The following PDZD2 variants were observed in gnomAD, a reference collection of about 807,000 sequenced individuals.
The protein encoded by PDZD2 is PDZ domain-containing protein 2.
PDZD2 carries 90 observed loss-of-function variants against 220.7 expected under a neutral mutation model. The ratio of observed to expected loss-of-function variants is 0.41; its 90% CI spans 0.34 to 0.49. PDZD2 has a LOEUF of 0.49. Among genes scored for constraint, PDZD2 ranks in the 20% least tolerant of loss-of-function variants. PDZD2 has a pLI of 0.28. For synonymous variants in PDZD2, 1,375 were observed against 1,450.5 expected (o/e 0.95, Z 1.18); for missense variants, 3,174 against 3,608.5 (o/e 0.88, Z 3.08).
At chr5:32,015,024 C>T (rs1015359976) in intron 6 of PDZD2, among the ~76,000 whole-genome samples, 5 of 148,780 alleles carry the variant, frequency 3.4e-5, no homozygotes, top group African/African-American at 7.4e-5. Context: ...TCACTGCAAC[C>T]TCCGCCTCCT....
At chr5:32,075,728 C>T (rs1741224117) in intron 18 of PDZD2, among the ~76,000 whole-genome samples, 1 of 152,142 alleles carries the variant, frequency 6.6e-6, no homozygotes, top group Admixed American at 6.5e-5. Context: ...CTCTCTCTCT[C>T]GCTGAACAAA....
chr5:32,014,812 T>C (rs1041489904), intron 6 of PDZD2, among the ~76,000 whole-genome samples: 1 of 146,520 alleles, frequency 6.8e-6, no homozygotes, highest in Non-Finnish European at 1.5e-5. Flanking sequence ...ACCTCCAGGG[T>C]TTAAGCGATT....
At chr5:31,866,542 C>T (rs1458713645) in intron 2 of PDZD2, among the ~76,000 whole-genome samples, 2 of 152,198 alleles carry the variant, frequency 1.3e-5, no homozygotes, top group Admixed American at 6.5e-5. Context: ...CCCGACGATA[C>T]TCTCCCACCA....
intron 1 of PDZD2, among the ~76,000 whole-genome samples, chr5:31,704,559 A>G (rs761524786): frequency 3.9e-5 from 6 of 152,216 alleles, no homozygotes; most frequent in African/African-American, 1.4e-4. Context: ...TGCTCTTTTC[A>G]TCAAATATTT....
chr5:31,979,839 A>C (rs999809226), intron 2 of PDZD2, among the ~76,000 whole-genome samples: 1 of 152,194 alleles, frequency 6.6e-6, no homozygotes, highest in Non-Finnish European at 1.5e-5. Flanking sequence ...GGAATCAGGC[A>C]GGTTTGGATC....
At chr5:31,763,362 C>G (rs145240782) in intron 1 of PDZD2, among the ~76,000 whole-genome samples, 84 of 152,254 alleles carry the variant, frequency 5.5e-4, no homozygotes, top group Non-Finnish European at 9.0e-4. Context: ...TCTACCTCAG[C>G]CATGAGCCTC....
chr5:31,856,760 C>G (rs1235022800), intron 2 of PDZD2, among the ~76,000 whole-genome samples: 2 of 152,028 alleles, frequency 1.3e-5, no homozygotes, highest in Non-Finnish European at 2.9e-5. Flanking sequence ...ACCTGCTCTC[C>G]CCTTTTGCCT....
chr5:31,663,316 G>T (rs1171750801), intron 1 of PDZD2, among the ~76,000 whole-genome samples: 1 of 152,138 alleles, frequency 6.6e-6, no homozygotes, highest in Non-Finnish European at 1.5e-5. Context: ...TCTCAACCCA[G>T]AGAGCTGAGG....
At chr5:31,872,069 C>T (rs1738858459) in intron 2 of PDZD2, among the ~76,000 whole-genome samples, 1 of 151,934 alleles carries the variant, frequency 6.6e-6, no homozygotes, top group Non-Finnish European at 1.5e-5. Context: ...GGGGTACCAA[C>T]TTATCTTTGG....
At chr5:32,107,658 T>A (rs161522) in intron 24 of PDZD2, among the ~76,000 whole-genome samples, 1 of 152,074 alleles carries the variant, frequency 6.6e-6, no homozygotes, top group Non-Finnish European at 1.5e-5. Flanking sequence ...TTATTCTTGT[T>A]GACTTGTAGC....
At chr5:32,046,945 A>G (rs1320104820) in intron 7 of PDZD2, among the ~76,000 whole-genome samples, 1 of 152,130 alleles carries the variant, frequency 6.6e-6, no homozygotes, top group East Asian at 1.9e-4. Context: ...CGGGAAACTG[A>G]GGCAGGAGAA....
At chr5:31,664,427 C>CACAGACACATGCGCATGCATGCAT (rs1257763494) in intron 1 of PDZD2, among the ~76,000 whole-genome samples, 11 of 151,830 alleles carry the variant, frequency 7.2e-5, no homozygotes, top group Non-Finnish European at 1.5e-4. Flanking sequence ...CACACTCATA[C>CACAGACACATGCGCATGCATGCAT]ACAGACACAT....
intron 1 of PDZD2, among the ~76,000 whole-genome samples, chr5:31,721,794 T>C (rs1341575074): frequency 1.3e-5 from 2 of 151,478 alleles, no homozygotes; most frequent in South Asian, 2.1e-4. Context: ...GGTCAATAAA[T>C]ATTTATTAAT....
At chr5:32,071,450 T>A in intron 16 of PDZD2, 32 bp downstream of exon 16, 1 of 1,563,794 alleles carries the variant, frequency 6.4e-7, no homozygotes, top group Non-Finnish European at 8.8e-7. Flanking sequence ...CCTGCCTCCC[T>A]CAGCTGGACC....
At chr5:31,695,939 T>G (rs1747360207) in intron 1 of PDZD2, among the ~76,000 whole-genome samples, 1 of 152,200 alleles carries the variant, frequency 6.6e-6, no homozygotes, top group Non-Finnish European at 1.5e-5. Context: ...AGGCATCTTT[T>G]GATTCTCTTC....
At chr5:31,740,524 C>CAAAAAAAAAAAAAAAAAAAAAA (rs58965956) in intron 1 of PDZD2, among the ~76,000 whole-genome samples, 7 of 60,098 alleles carry the variant, frequency 1.2e-4, no homozygotes, top group Non-Finnish European at 1.8e-4. Flanking sequence ...GACTCCGTCT[C>CAAAAAAAAAAAAAAAAAAAAAA]AAAAAAAAAA....
intron 2 of PDZD2, among the ~76,000 whole-genome samples, chr5:31,831,942 G>C (rs1340644264): frequency 7.2e-6 from 1 of 139,732 alleles, no homozygotes; most frequent in Non-Finnish European, 1.6e-5. Context: ...AAAGAATAAC[G>C]ATGGGGTGGG....
intron 1 of PDZD2, among the ~76,000 whole-genome samples, chr5:31,662,642 T>G (rs1301953527): frequency 6.6e-6 from 1 of 152,132 alleles, no homozygotes; most frequent in Non-Finnish European, 1.5e-5. Context: ...TCCCCTTTCT[T>G]TTTTTGAGAC....
chr5:32,108,028 GGGAAACCTCT>G lies in PDZD2; in HGVS notation c.8416_8425del (p.Lys2806LeufsTer12). Reference sequence around the variant, plus strand: ...TGGAGATGAAATTCTTGCTATTAATGGGAAACCTCTGGTTGGGCTCATGCACTTTGATGCC... The same window carrying G: ...TGGAGATGAAATTCTTGCTATTAATGGGTTGGGCTCATGCACTTTGATGCC... On this transcript the variant is annotated frameshift_variant, in exon 25 of 25. Transcript: ENST00000438447. LOFTEE classifies it high-confidence loss of function. 1 of 1,612,524 alleles carries G rather than the reference GGGAAACCTCT, an allele frequency of 6.2e-7. No homozygotes were observed. The highest frequency in any genetic ancestry group is 8.5e-7 in the Non-Finnish European group (1 of 1,178,594).
Sources: allele counts gnomAD v4.1 joint callset (sites outside exome capture counted in the v4.1 genomes callset), GRCh38; gene constraint gnomAD v4.1.1; transcripts MANE v1.5; gene names NCBI Gene and HGNC (gene_info 2026-07-23, HGNC 2026-07-21).